The following PRKCB variants were observed in gnomAD, a reference collection of about 807,000 sequenced individuals.
PRKCB encodes protein kinase C beta, also known as protein kinase C beta type.
PRKCB carries 13 observed loss-of-function variants against 81.5 expected under a neutral mutation model. The observed-to-expected ratio is 0.16, with a 90% CI of 0.10 to 0.25. The LOEUF (loss-of-function observed/expected upper bound fraction) is 0.25, where lower values mean the gene tolerates loss of function less well. PRKCB is among the 10% of genes least tolerant of loss of function. The pLI, the probability that PRKCB is intolerant of heterozygous loss-of-function variation, is 1.00. For synonymous variants in PRKCB, 335 were observed against 321.4 expected (o/e 1.04, Z -0.45); for missense variants, 509 against 875.7 (o/e 0.58, Z 5.29).
chr16:23,871,323 A>T (rs1962900000), intron 2 of PRKCB, among the ~76,000 whole-genome samples: 1 of 152,086 alleles, frequency 6.6e-6, no homozygotes, highest in Non-Finnish European at 1.5e-5. Flanking sequence ...TTCTCTCCAC[A>T]TGCCTGGCCC....
chr16:23,935,055 G>A (rs1276771306), intron 2 of PRKCB, among the ~76,000 whole-genome samples: 1 of 152,156 alleles, frequency 6.6e-6, no homozygotes, highest in Non-Finnish European at 1.5e-5. Flanking sequence ...CCACAAACCT[G>A]GCTGAGCACA....
In PRKCB at chr16:24,112,988, C is replaced by A; in HGVS notation, c.837C>A (p.Ser279Arg). 6.2e-7 allele frequency: 1 copy of A among 1,610,334 alleles called. No individual in the cohort carries two copies. The highest frequency in any genetic ancestry group is 8.5e-7 in the Non-Finnish European group (1 of 1,177,970). ...CTCCCTTCAGGTTTAAGTTACTGAG[C>A]CAGGAGGAAGGCGAGTACTTCAATG... ...ASVDGWFKLLSQEEGEYFNVP... is the reference protein window; with the variant it reads ...ASVDGWFKLLRQEEGEYFNVP... The change falls in exon 8 of 17, where the codon AGC (serine) becomes AGA (arginine). Residue 279 changes from serine to arginine, a missense_variant. Physicochemically the swap from Ser to Arg is moderately radical, Grantham distance 110. Around this residue, in one of 6 missense-constraint regions of PRKCB, gnomAD observed 184 missense variants for 362.9 expected, o/e 0.51. Coordinates refer to ENST00000643927, the MANE Select transcript of PRKCB (RefSeq NM_002738.7).
At chr16:24,146,121 A>G (rs1401463510) in intron 9 of PRKCB, among the ~76,000 whole-genome samples, 1 of 152,184 alleles carries the variant, frequency 6.6e-6, no homozygotes, top group Admixed American at 6.5e-5. Flanking sequence ...TGCCAACGGT[A>G]GCTGGCAGCC....
At chr16:23,869,622 T>C (rs11648799) in intron 2 of PRKCB, among the ~76,000 whole-genome samples, 63,999 of 152,100 alleles carry the variant, frequency 0.42, 13,794 homozygotes, top group South Asian at 0.64. Context: ...ACCAAAGATA[T>C]AGAACAGGAA....
In PRKCB at chr16:24,094,292, T is replaced by C. The variant is rs755036948; in HGVS notation, c.816T>C (p.Asp272=). Residue 272 remains aspartate, a synonymous_variant, in exon 7 of 17, where the codon GAT becomes GAC. Coordinates refer to ENST00000643927, the MANE Select transcript of PRKCB (RefSeq NM_002738.7). The stretch of plus-strand genomic sequence containing the variant: ...CTGAACTTCAGAAAGCCAGTGTTGA[T>C]GGCTGGTAAGTAAGATTTTGCCTTG... ...GISELQKASV[D]GWFKLLSQEE... is the part of the protein sequence containing the mutation. 1.2e-6 allele frequency: 2 copies of C among 1,614,070 alleles called. No homozygotes were observed. The highest frequency in any genetic ancestry group is 1.7e-6 in the Non-Finnish European group (2 of 1,179,982).
intron 9 of PRKCB, among the ~76,000 whole-genome samples, chr16:24,147,861 G>A (rs2141948818): frequency 6.6e-6 from 1 of 152,222 alleles, no homozygotes; most frequent in Admixed American, 6.5e-5. Context: ...ATAAGATAAT[G>A]CATATTGGAA....
chr16:24,193,903 A>C (rs1237229519), intron 16 of PRKCB, among the ~76,000 whole-genome samples: 1 of 152,084 alleles, frequency 6.6e-6, no homozygotes, highest in Non-Finnish European at 1.5e-5. Flanking sequence ...TGGGGCTAGA[A>C]CTCGGTGCTG....
At chr16:24,199,853 G>C (rs917068363) in intron 16 of PRKCB, among the ~76,000 whole-genome samples, 2 of 152,156 alleles carry the variant, frequency 1.3e-5, no homozygotes, top group Non-Finnish European at 2.9e-5. Context: ...TCCCTGGACT[G>C]TACACTGCAC....
intron 7 of PRKCB, 22 bp from the exon 8 acceptor site, chr16:24,112,951 C>T (rs778332947): frequency 6.5e-7 from 1 of 1,541,426 alleles, no homozygotes; most frequent in South Asian, 1.2e-5. Flanking sequence ...GAAATGTGTC[C>T]CACCCCCTTG....
At chr16:24,010,637 G>A (rs1482795401) in intron 3 of PRKCB, among the ~76,000 whole-genome samples, 1 of 152,202 alleles carries the variant, frequency 6.6e-6, no homozygotes, top group Non-Finnish European at 1.5e-5. Flanking sequence ...TTAGTTAGGA[G>A]TCAGTGGCTA....
chr16:24,048,599 C>T (rs1965796481), intron 5 of PRKCB, among the ~76,000 whole-genome samples: 1 of 152,032 alleles, frequency 6.6e-6, no homozygotes, highest in Admixed American at 6.6e-5. Context: ...CAGCGATTCT[C>T]CTGCCTCAGC....
intron 5 of PRKCB, 131 bp from the exon 6 acceptor site, chr16:24,092,660 G>T: frequency 1.2e-6 from 1 of 843,672 alleles, no homozygotes; most frequent in Non-Finnish European, 1.8e-6. Flanking sequence ...AGCTATGGAT[G>T]TTAATAAAAT....
chr16:24,046,668 G>A (rs1257470905), intron 5 of PRKCB, among the ~76,000 whole-genome samples: 1 of 152,114 alleles, frequency 6.6e-6, no homozygotes, highest in African/African-American at 2.4e-5. Flanking sequence ...GGAACTGACA[G>A]CCAGTGGGTG....
At chr16:24,096,663 AAAAATATATATATATATATATATATATAT>A (rs1189778992) in intron 7 of PRKCB, among the ~76,000 whole-genome samples, 567 of 49,660 alleles carry the variant, frequency 0.011, 32 homozygotes, top group African/African-American at 0.035. Context: ...AAAAAAAAAA[AAAAATATATATATATATATATATATATAT>A]ATATATATAT....
intron 12 of PRKCB, chr16:24,174,833 T>A: frequency 2.4e-6 from 1 of 423,432 alleles, no homozygotes; most frequent in Non-Finnish European, 4.2e-6. Flanking sequence ...AGGAGACTGT[T>A]TGCTCTAAGA....
chr16:24,191,260 G>T, intron 16 of PRKCB, 30 bp downstream of exon 16: 1 of 1,612,822 alleles, frequency 6.2e-7, no homozygotes. Flanking sequence ...TGACTGCCGG[G>T]TATTCACACA....
intron 5 of PRKCB, among the ~76,000 whole-genome samples, chr16:24,075,030 G>T (rs1248780658): frequency 6.6e-6 from 1 of 151,176 alleles, no homozygotes; most frequent in Non-Finnish European, 1.5e-5. Context: ...GAGGCAGAAG[G>T]CTCACATGAG....
At chr16:23,856,059 A>G (rs1211491403) in intron 2 of PRKCB, among the ~76,000 whole-genome samples, 5 of 152,114 alleles carry the variant, frequency 3.3e-5, no homozygotes, top group African/African-American at 1.2e-4. Flanking sequence ...CATTCACAGT[A>G]CTGATTTAGT....
At chr16:23,987,102 T>C (rs528721842) in intron 2 of PRKCB, among the ~76,000 whole-genome samples, 6 of 152,296 alleles carry the variant, frequency 3.9e-5, no homozygotes, top group Non-Finnish European at 8.8e-5. Context: ...GTTGGTTTTT[T>C]TCCACTTAGA....
Sources: gnomAD v4.1 joint callset for allele counts (sites outside exome capture counted in the v4.1 genomes callset) on GRCh38, gnomAD v4.1.1 for gene constraint, gnomAD v4.1.1 regional missense constraint, MANE v1.5 for transcripts, NCBI Gene and HGNC (gene_info 2026-07-23, HGNC 2026-07-21) for gene names.